Variants in UNC5D observed in about 807,000 individuals in gnomAD.
UNC5D encodes netrin receptor UNC5D.
Under a neutral mutation model 105.4 loss-of-function variants are expected in UNC5D, and 39 were observed. That is an observed-to-expected ratio of 0.37 (90% confidence interval 0.29 to 0.48). The LOEUF is 0.48. Ranked by LOEUF, UNC5D falls within the 20% of genes least tolerant of loss-of-function variation. The probability of loss-of-function intolerance (pLI) is 0.98; values close to 1 mark genes in which losing one functional copy is unlikely to be tolerated. For missense variants in UNC5D, 991 were observed against 1,202.4 expected (o/e 0.82, Z 2.60); for synonymous variants, 452 against 450.4 (o/e 1.00, Z -0.04).
intron 1 of UNC5D, among the ~76,000 whole-genome samples, chr8:35,294,686 TTTC>T (rs1807332030): frequency 1.6e-5 from 2 of 126,536 alleles, no homozygotes; most frequent in South Asian, 3.0e-4. Flanking sequence ...CCTCACAAAT[TTTC>T]TTTTCTTCTT....
intron 9 of UNC5D, chr8:35,724,156 T>A: frequency 6.9e-7 from 1 of 1,452,168 alleles, no homozygotes; most frequent in South Asian, 1.4e-5. Flanking sequence ...CTGACTTGCC[T>A]ACACTTAAAC....
Position 35,398,310 on chromosome 8 carries a change from T to C in UNC5D, c.104-150982T>C, listed in dbSNP as rs1266745398. ...TTAAATGAATCACTGTGTTTCTCTATATATAACAACCTATCATTTTCCACC... is the reference window on the plus strand; with the variant it reads ...TTAAATGAATCACTGTGTTTCTCTACATATAACAACCTATCATTTTCCACC... On this transcript the variant is annotated intron_variant, in intron 1 of 16. Coordinates refer to ENST00000404895, the MANE Select transcript of UNC5D (RefSeq NM_080872.4). Among the ~76,000 whole-genome samples the C allele has an allele frequency of 2.0e-5, 3 of 152,156 alleles. No individual in the cohort carries two copies. The East Asian group carries it at 5.8e-4, about 29-fold the overall frequency.
chr8:35,365,019 T>C lies in UNC5D; in HGVS notation c.103+129132T>C, dbSNP rs182700545. Among the ~76,000 whole-genome samples the C allele has an allele frequency of 1.3e-4, 20 of 152,238 alleles. No homozygotes were observed. The East Asian group carries it at 3.7e-3, about 28-fold the overall frequency. The stretch of plus-strand genomic sequence containing the variant: ...TGTGGATCATGCTATGCATTTATAA[T>C]AGAGTTAGTTTCACTTGTTTGTAGT... On this transcript the variant is annotated intron_variant, in intron 1 of 16. Coordinates refer to ENST00000404895, the MANE Select transcript of UNC5D (RefSeq NM_080872.4).
intron 1 of UNC5D, among the ~76,000 whole-genome samples, chr8:35,364,955 A>C (rs1351869202): frequency 6.6e-6 from 1 of 152,190 alleles, no homozygotes. Context: ...GAGTCAATTT[A>C]CTATTTCCAA....
intron 1 of UNC5D, among the ~76,000 whole-genome samples, chr8:35,296,842 C>T (rs538909211): frequency 6.6e-6 from 1 of 152,312 alleles, no homozygotes; most frequent in East Asian, 1.9e-4. Flanking sequence ...CTCCCTTATA[C>T]ACAACACCAC....
chr8:35,337,760 GA>G (rs61593529), intron 1 of UNC5D, among the ~76,000 whole-genome samples: 8,400 of 140,582 alleles, frequency 0.06, 273 homozygotes, highest in African/African-American at 0.096. Context: ...CTTTTTTCAA[GA>G]AAAAAAAAAA....
At chr8:35,264,676 G>A (rs1804720161) in intron 1 of UNC5D, among the ~76,000 whole-genome samples, 1 of 150,236 alleles carries the variant, frequency 6.7e-6, no homozygotes, top group African/African-American at 2.5e-5. Flanking sequence ...GTTGCAGTGA[G>A]CCGAGATCAT....
intron 1 of UNC5D, among the ~76,000 whole-genome samples, chr8:35,510,672 G>T (rs1812643697): frequency 6.6e-6 from 1 of 152,142 alleles, no homozygotes; most frequent in African/African-American, 2.4e-5. Context: ...CAACATCTCA[G>T]CTTGGCCAGA....
intron 11 of UNC5D, among the ~76,000 whole-genome samples, chr8:35,746,417 A>G (rs1439618684): frequency 6.9e-6 from 1 of 144,588 alleles, no homozygotes; most frequent in East Asian, 2.1e-4. Context: ...CTTCTGGTGA[A>G]GTTTTGTTCC....
chr8:35,460,726 T>C (rs540962839), intron 1 of UNC5D, among the ~76,000 whole-genome samples: 107 of 152,348 alleles, frequency 7.0e-4, no homozygotes, highest in African/African-American at 2.5e-3. Context: ...CAATTTTCCT[T>C]ATCTATCTCT....
At chr8:35,289,459 G>A (rs1157533615) in intron 1 of UNC5D, among the ~76,000 whole-genome samples, 7 of 152,128 alleles carry the variant, frequency 4.6e-5, no homozygotes, top group African/African-American at 1.7e-4. Context: ...CATCTAGATG[G>A]AAAAGAAACA....
intron 4 of UNC5D, among the ~76,000 whole-genome samples, chr8:35,623,264 C>T (rs944302949): frequency 1.3e-5 from 2 of 152,148 alleles, no homozygotes; most frequent in South Asian, 4.2e-4. Flanking sequence ...GTGTGTCAAG[C>T]TTTGAGTCAT....
At chr8:35,305,577 T>TTCTTTCTTTC (rs1339138456) in intron 1 of UNC5D, among the ~76,000 whole-genome samples, 3 of 53,998 alleles carry the variant, frequency 5.6e-5, no homozygotes, top group African/African-American at 1.3e-4. Flanking sequence ...CTTTCTTTCT[T>TTCTTTCTTTC]TTTCTTTCTT....
Position 35,436,910 on chromosome 8 carries a change from A to G in UNC5D, c.104-112382A>G, listed in dbSNP as rs566791565. Among the ~76,000 whole-genome samples, 59 of 152,220 alleles carry G rather than the reference A, an allele frequency of 3.9e-4. 1 individual carries two copies. The South Asian group carries it at 0.01, about 26-fold the overall frequency. On this transcript the variant is annotated intron_variant, in intron 1 of 16. Transcript: ENST00000404895. Reference sequence around the variant, plus strand: ...ATATGATTCTATATTTGGTGGGGGAAGTACCTAGAAACTTTTAAATATGTT... The same window carrying G: ...ATATGATTCTATATTTGGTGGGGGAGGTACCTAGAAACTTTTAAATATGTT...
chr8:35,302,273 C>A (rs1808013813), intron 1 of UNC5D, among the ~76,000 whole-genome samples: 1 of 152,214 alleles, frequency 6.6e-6, no homozygotes, highest in Non-Finnish European at 1.5e-5. Flanking sequence ...TCTGGAAAAT[C>A]CTTTCATGGG....
At chr8:35,567,679 T>C (rs2589341) in intron 2 of UNC5D, among the ~76,000 whole-genome samples, 73,238 of 151,894 alleles carry the variant, frequency 0.48, 21,266 homozygotes, top group African/African-American at 0.83. Context: ...TTACAATGAC[T>C]CACCCCAGCT....
intron 1 of UNC5D, among the ~76,000 whole-genome samples, chr8:35,369,974 C>G (rs2065770075): frequency 2.0e-5 from 3 of 152,114 alleles, no homozygotes; most frequent in Admixed American, 2.0e-4. Flanking sequence ...TGCATTTTTT[C>G]TTTCCCACTC....
At chr8:35,592,663 C>T (rs536716406) in intron 3 of UNC5D, among the ~76,000 whole-genome samples, 1 of 152,258 alleles carries the variant, frequency 6.6e-6, no homozygotes, top group East Asian at 1.9e-4. Flanking sequence ...TGTCCTGGCA[C>T]CAGTATCAGG....
chr8:35,645,895 A>C (rs1823017016), intron 4 of UNC5D, among the ~76,000 whole-genome samples: 1 of 151,710 alleles, frequency 6.6e-6, no homozygotes, highest in Admixed American at 6.6e-5. Context: ...ATAGGAGTGA[A>C]GTCTGTGTGT....
Sources: allele counts gnomAD v4.1 joint callset (sites outside exome capture counted in the v4.1 genomes callset), GRCh38; gene constraint gnomAD v4.1.1; transcripts MANE v1.5; gene names NCBI Gene and HGNC (gene_info 2026-07-23, HGNC 2026-07-21).